NME5: variants seen among roughly 807,000 people sequenced by gnomAD.
NME5 encodes NME/NM23 family member 5.
A neutral mutation model predicts 21.6 loss-of-function variants in NME5; 18 were observed. The observed-to-expected ratio is 0.83, with a 90% CI of 0.58 to 1.24. NME5 has a LOEUF of 1.24. Ranked by LOEUF, NME5 falls within the 50% of genes most tolerant of loss-of-function variation. The pLI is 0.00. For missense variants in NME5, 223 were observed against 255.4 expected (o/e 0.87, Z 0.86); for synonymous variants, 70 against 80.6 (o/e 0.87, Z 0.71).
chr5:138,118,988 T>A (rs756584834), intron 4 of NME5, 52 bp from the exon 5 acceptor site: 1 of 1,033,264 alleles, frequency 9.7e-7, no homozygotes, highest in East Asian at 2.5e-5. Context: ...TTAAATACTA[T>A]ACAATCATTA....
chr5:138,122,300 C>T (rs1486366165), intron 4 of NME5, among the ~76,000 whole-genome samples: 2 of 151,338 alleles, frequency 1.3e-5, no homozygotes, highest in African/African-American at 2.4e-5. Flanking sequence ...ATTAGCTGGG[C>T]GTGGTGGTGG....
In NME5 at chr5:138,125,860, C is replaced by T. The variant is rs971136557; in HGVS notation, c.436+2619G>A. Among the ~76,000 whole-genome samples the T allele has an allele frequency of 3.3e-5, 5 of 152,292 alleles. No homozygotes were observed. In the East Asian group the frequency reaches 5.8e-4, roughly 18 times the overall value. ...AACTCCCAACTTCAAGTGATCCATC[C>T]GCTTCAGCCTCCCAAAGTGTTGTGA... On this transcript the variant is annotated intron_variant, in intron 4 of 5. Coordinates refer to ENST00000265191, the MANE Select transcript of NME5 (RefSeq NM_003551.3).
intron 4 of NME5, among the ~76,000 whole-genome samples, chr5:138,124,395 T>C (rs1751354240): frequency 6.6e-6 from 1 of 152,208 alleles, no homozygotes; most frequent in African/African-American, 2.4e-5. Context: ...AATTGGGTTA[T>C]TTAGGGGTTT....
chr5:138,136,110 T>C (rs1751692118), intron 2 of NME5, among the ~76,000 whole-genome samples: 1 of 152,228 alleles, frequency 6.6e-6, no homozygotes, highest in Non-Finnish European at 1.5e-5. Context: ...CAATCTTTTG[T>C]TGATAAGTAA....
At chr5:138,117,232 GA>G (rs1225536526) in intron 5 of NME5, among the ~76,000 whole-genome samples, 3 of 123,044 alleles carry the variant, frequency 2.4e-5, no homozygotes, top group Non-Finnish European at 3.5e-5. Flanking sequence ...AAAAAGGAAA[GA>G]AAAAAAATCT....
rs1201847468 is a variant in NME5 at position 138,128,510 on chromosome 5, C to T, written c.405G>A (p.Ala135=). The part of the protein sequence containing the change: ...ALHGSNDFAA[A]EREIRFMFPE... Reference sequence around the variant, plus strand: ...GAAACATAAAACGTATTTCTCTTTCCGCAGCAGCAAAGTCATTACTCCCAT... The same window carrying T: ...GAAACATAAAACGTATTTCTCTTTCTGCAGCAGCAAAGTCATTACTCCCAT... Residue 135 remains alanine, a synonymous_variant, in exon 4 of 6, where the codon GCG becomes GCA. Coordinates refer to ENST00000265191, the MANE Select transcript of NME5 (RefSeq NM_003551.3). The T allele has an allele frequency of 3.7e-6, 6 of 1,613,160 alleles. No individual in the cohort carries two copies. The highest frequency in any genetic ancestry group is 2.2e-5 in the South Asian group (2 of 90,914).
rs867537310 is a variant in NME5 at position 138,117,328 on chromosome 5, G to A, written c.555+1490C>T. Among the ~76,000 whole-genome samples the A allele has an allele frequency of 4.7e-5, 7 of 149,700 alleles. 1 individual carries two copies. The South Asian group carries it at 1.3e-3, about 27-fold the overall frequency. The stretch of plus-strand genomic sequence containing the variant: ...TGGATTCTTAGACATGACATCAAAA[G>A]CACAAGAAATAAAAGAAAAAATAAA... On this transcript the variant is annotated intron_variant, in intron 5 of 5. Transcript: ENST00000265191.
Position 138,118,879 on chromosome 5 carries a change from A to C in NME5, c.494T>G (p.Ile165Arg), listed in dbSNP as rs1292622779. Residue 165 changes from isoleucine (I) to arginine (R), a missense_variant, in exon 5 of 6, where the codon ATA (isoleucine) becomes AGA (arginine). Physicochemically the swap from Ile to Arg is moderately conservative, Grantham distance 97. Coordinates refer to ENST00000265191, the MANE Select transcript of NME5 (RefSeq NM_003551.3). ...QAAKDYLNLH[I>R]MPTLLEGLTE... ...GAGTCCTTCAAGCAGAGTTGGCATT[A>C]TATGTAAATTTAAATAGTCCTTAGC... 1.2e-6 allele frequency: 2 copies of C among 1,613,658 alleles called. No homozygotes were observed. The highest frequency in any genetic ancestry group is 4.5e-5 in the East Asian group (2 of 44,868).
intron 2 of NME5, among the ~76,000 whole-genome samples, chr5:138,132,802 C>T (rs2151168227): frequency 6.6e-6 from 1 of 152,256 alleles, no homozygotes; most frequent in Middle Eastern, 3.4e-3. Flanking sequence ...GAAAAAGGTG[C>T]TGACATTTGT....
chr5:138,128,764 C>T (rs1296766610), intron 3 of NME5, 185 bp from the exon 4 acceptor site: 4 of 476,762 alleles, frequency 8.4e-6, no homozygotes, highest in Non-Finnish European at 1.1e-5. Context: ...AATATATTTA[C>T]GTCTGCAGGA....
chr5:138,138,920 A>G (rs1024472671), intron 1 of NME5, 135 bp from the exon 2 acceptor site: 9 of 797,560 alleles, frequency 1.1e-5, no homozygotes, highest in Non-Finnish European at 1.6e-5. Flanking sequence ...TTATTAACTG[A>G]TGAAGGTAGA....
Position 138,119,660 on chromosome 5 carries a change from T to TC in NME5, c.437-725_437-724insG, listed in dbSNP as rs1561586202. ...TGTTTTCTTTTTCTTTTCTTTTCTT[T>TC]ATTTTTTTTTTTTTGAGACAGAGTT... is the stretch of plus-strand genomic sequence containing the variant. On this transcript the variant is annotated intron_variant, in intron 4 of 5. Coordinates refer to ENST00000265191, the MANE Select transcript of NME5 (RefSeq NM_003551.3). 4.2e-5 allele frequency among the ~76,000 whole-genome samples: 5 copies of TC among 118,110 alleles called. No homozygotes were observed. The East Asian group carries it at 3.5e-3, about 82-fold the overall frequency. 77.5% of individuals were successfully genotyped at this position (118,110 alleles called of 152,430 possible).
intron 4 of NME5, among the ~76,000 whole-genome samples, chr5:138,125,760 G>C (rs561044945): frequency 2.0e-4 from 31 of 152,166 alleles, no homozygotes; most frequent in African/African-American, 7.2e-4. Context: ...GATTACAAGC[G>C]TGCGCCACCA....
At chr5:138,137,729 A>G (rs1751731820) in intron 2 of NME5, among the ~76,000 whole-genome samples, 1 of 150,612 alleles carries the variant, frequency 6.6e-6, no homozygotes, top group African/African-American at 2.4e-5. Context: ...GGCGGGGTGC[A>G]GTGGCTCACA....
Position 138,133,600 on chromosome 5 carries a change from G to T in NME5, c.130-4132C>A, listed in dbSNP as rs191116138. Reference sequence around the variant, plus strand: ...AGTGATACCAAGTACTATCAGAACAGAACTCTTAGTTTGTAACAAAGGCAA... The same window carrying T: ...AGTGATACCAAGTACTATCAGAACATAACTCTTAGTTTGTAACAAAGGCAA... On this transcript the variant is annotated intron_variant, in intron 2 of 5. Transcript: ENST00000265191. Among the ~76,000 whole-genome samples the T allele has an allele frequency of 1.6e-4, 25 of 152,260 alleles. No homozygotes were observed. In the East Asian group the frequency reaches 2.1e-3, roughly 13 times the overall value.
At chr5:138,118,731 C>T (rs2151157594) in intron 5 of NME5, 87 bp downstream of exon 5, 1 of 827,642 alleles carries the variant, frequency 1.2e-6, no homozygotes, top group South Asian at 1.5e-5. Flanking sequence ...ATCCGCCCGC[C>T]TTGGCCTCCC....
At chr5:138,137,300 G>T (rs960630913) in intron 2 of NME5, among the ~76,000 whole-genome samples, 5 of 149,542 alleles carry the variant, frequency 3.3e-5, no homozygotes, top group Admixed American at 6.9e-5. Flanking sequence ...CTTTTCTGAA[G>T]ATTGATATTT....
chr5:138,129,448 G>A lies in NME5; in HGVS notation c.150C>T (p.Ser50=). The A allele has an allele frequency of 6.2e-7, 1 of 1,613,812 alleles. No individual in the cohort carries two copies. Residue 50 remains serine, a synonymous_variant, in exon 3 of 6, where the codon AGC becomes AGT. Coordinates refer to ENST00000265191, the MANE Select transcript of NME5 (RefSeq NM_003551.3). ...CATAAAAGTTACTACATTGCTCAGG[G>A]CTGAGGCGTAGTTTTCTTCTCTATA... The part of the protein sequence containing the change: ...TIVQRRKLRL[S]PEQCSNFYVE...
chr5:138,127,242 G>A (rs1368302211), intron 4 of NME5, among the ~76,000 whole-genome samples: 1 of 152,142 alleles, frequency 6.6e-6, no homozygotes, highest in Non-Finnish European at 1.5e-5. Context: ...AAAGTTGTCA[G>A]CCCATTGTCA....
Sources: gnomAD v4.1 joint callset for allele counts (sites outside exome capture counted in the v4.1 genomes callset) on GRCh38, gnomAD v4.1.1 for gene constraint, MANE v1.5 for transcripts, NCBI Gene and HGNC (gene_info 2026-07-23, HGNC 2026-07-21) for gene names.